RALYL: variants seen among roughly 807,000 people sequenced by gnomAD.
RALYL encodes RALY RNA binding protein like.
In RALYL, 29 loss-of-function variants were observed where a neutral mutation model predicts 35.1. That is an observed-to-expected ratio of 0.83 (90% confidence interval 0.61 to 1.13). The LOEUF (loss-of-function observed/expected upper bound fraction) is 1.13. Ranked by LOEUF, RALYL falls within the 50% of genes most tolerant of loss-of-function variation. The probability of loss-of-function intolerance (pLI) is 0.00; values close to 1 mark genes in which losing one functional copy is unlikely to be tolerated. For missense variants in RALYL, 359 were observed against 360.4 expected, an observed-to-expected ratio of 1.00 and a Z score of 0.03; for synonymous variants, 120 against 127.6, an observed-to-expected ratio of 0.94 and a Z score of 0.40.
At chr8:84,709,455 T>C (rs1419877708) in intron 2 of RALYL, among the ~76,000 whole-genome samples, 3 of 152,144 alleles carry the variant, frequency 2.0e-5, no homozygotes, top group South Asian at 2.1e-4. Context: ...AACATATACA[T>C]ACATATATGC....
chr8:84,222,396 A>G (rs964577788), intron 1 of RALYL, among the ~76,000 whole-genome samples: 2 of 152,170 alleles, frequency 1.3e-5, no homozygotes, highest in African/African-American at 2.4e-5. Context: ...AGATACCGAC[A>G]CAAACCAGAT....
chr8:84,576,092 G>T (rs1357027386), intron 2 of RALYL, among the ~76,000 whole-genome samples: 2 of 151,974 alleles, frequency 1.3e-5, no homozygotes, highest in African/African-American at 4.8e-5. Context: ...AAAAAGGAGA[G>T]TGTCACATAT....
At chr8:84,743,084 T>C (rs1200283701) in intron 2 of RALYL, among the ~76,000 whole-genome samples, 1 of 152,018 alleles carries the variant, frequency 6.6e-6, no homozygotes, top group African/African-American at 2.4e-5. Context: ...CTACTAGTTT[T>C]AAAAATGTAT....
intron 8 of RALYL, among the ~76,000 whole-genome samples, chr8:84,889,418 C>T (rs1843450825): frequency 1.3e-5 from 2 of 152,192 alleles, no homozygotes; most frequent in African/African-American, 4.8e-5. Flanking sequence ...AAGCTGACCA[C>T]TTCCTTCTTC....
chr8:84,550,144 T>C (rs2135412751), intron 2 of RALYL, among the ~76,000 whole-genome samples: 1 of 152,280 alleles, frequency 6.6e-6, no homozygotes, highest in South Asian at 2.1e-4. Flanking sequence ...TTTTTAGTAT[T>C]TCTTTAATAT....
intron 2 of RALYL, among the ~76,000 whole-genome samples, chr8:84,676,254 AT>A (rs1834171389): frequency 6.6e-6 from 1 of 152,226 alleles, no homozygotes; most frequent in Non-Finnish European, 1.5e-5. Flanking sequence ...TGGATGGCCA[AT>A]TTGGGTTGCT....
rs776960936 is a variant in RALYL at position 84,255,153 on chromosome 8, T to G, written c.-24+70729T>G. Among the ~76,000 whole-genome samples, 107 of 152,244 alleles carry G rather than the reference T, an allele frequency of 7.0e-4. 1 individual carries two copies. Among genetic ancestry groups the G allele is most frequent in the Middle Eastern group, 3.4e-3 (1 of 294 alleles). ...GAAAGTCTTAATTATTTAAAAAAAC[T>G]TATTTCAGTAAATATTTGCAGAATA... On this transcript the variant is annotated intron_variant, in intron 1 of 8. Coordinates refer to ENST00000521268, the MANE Select transcript of RALYL (RefSeq NM_173848.7).
chr8:84,859,526 G>A (rs1837702157), intron 5 of RALYL, among the ~76,000 whole-genome samples: 1 of 152,024 alleles, frequency 6.6e-6, no homozygotes, highest in Admixed American at 6.6e-5. Flanking sequence ...GTGGAAGAAA[G>A]AATTGGTAAA....
At chr8:84,493,703 C>A (rs73292061) in intron 1 of RALYL, among the ~76,000 whole-genome samples, 74 of 152,228 alleles carry the variant, frequency 4.9e-4, no homozygotes, top group African/African-American at 1.7e-3. Context: ...ATATGTTTGA[C>A]CACATAAATG....
chr8:84,823,787 T>C (rs541354380), intron 4 of RALYL, among the ~76,000 whole-genome samples: 1 of 152,236 alleles, frequency 6.6e-6, no homozygotes, highest in Non-Finnish European at 1.5e-5. Context: ...TATCTCTCTC[T>C]ATTCCTCCTT....
intron 3 of RALYL, among the ~76,000 whole-genome samples, chr8:84,784,107 C>A (rs945423042): frequency 3.3e-5 from 5 of 152,162 alleles, no homozygotes; most frequent in Non-Finnish European, 4.4e-5. Flanking sequence ...TTCACGCATT[C>A]TCTGGCAGTT....
At chr8:84,330,267 C>T (rs562712873) in intron 1 of RALYL, among the ~76,000 whole-genome samples, 1 of 152,092 alleles carries the variant, frequency 6.6e-6, no homozygotes, top group Admixed American at 6.6e-5. Context: ...AACATAAACA[C>T]TCTACTGTTT....
At chr8:84,613,729 C>T (rs1328466031) in intron 2 of RALYL, among the ~76,000 whole-genome samples, 1 of 151,184 alleles carries the variant, frequency 6.6e-6, no homozygotes. Flanking sequence ...AATTGTAATG[C>T]CCAACAACAT....
chr8:84,714,799 A>G (rs1479069765), intron 2 of RALYL, among the ~76,000 whole-genome samples: 1 of 151,930 alleles, frequency 6.6e-6, no homozygotes, highest in Non-Finnish European at 1.5e-5. Context: ...GGGCAAGAAA[A>G]GGGGAGAGGT....
intron 1 of RALYL, among the ~76,000 whole-genome samples, chr8:84,332,419 A>G (rs1175029170): frequency 6.6e-6 from 1 of 152,118 alleles, no homozygotes; most frequent in Non-Finnish European, 1.5e-5. Flanking sequence ...GTTTTATTAT[A>G]TATGCATATA....
At chr8:84,744,703 G>T (rs1808203283) in intron 2 of RALYL, among the ~76,000 whole-genome samples, 1 of 151,878 alleles carries the variant, frequency 6.6e-6, no homozygotes, top group Admixed American at 6.6e-5. Context: ...CATTAACTGT[G>T]TTCCAGAATT....
At chr8:84,184,730 G>C in intron 1 of RALYL, 19 of 335,796 alleles carry the variant, frequency 5.7e-5, no homozygotes, top group East Asian at 9.5e-5. Flanking sequence ...GGGCCGCGCC[G>C]GCCGGGCACT....
At chr8:84,278,508 C>T (rs1835875379) in intron 1 of RALYL, among the ~76,000 whole-genome samples, 3 of 152,176 alleles carry the variant, frequency 2.0e-5, no homozygotes, top group African/African-American at 7.2e-5. Context: ...GAATTTCTCC[C>T]TAGAAAATGG....
At chr8:84,247,270 C>T (rs949446283) in intron 1 of RALYL, among the ~76,000 whole-genome samples, 1 of 152,036 alleles carries the variant, frequency 6.6e-6, no homozygotes, top group Admixed American at 6.6e-5. Context: ...GTCAAATGTG[C>T]CCTAGCATTT....
Sources: gnomAD v4.1 joint callset for allele counts (sites outside exome capture counted in the v4.1 genomes callset) on GRCh38, gnomAD v4.1.1 for gene constraint, MANE v1.5 for transcripts, NCBI Gene and HGNC (gene_info 2026-07-23, HGNC 2026-07-21) for gene names.